The following PAIP1 variants were observed in gnomAD, a reference collection of about 807,000 sequenced individuals.
PAIP1 encodes the protein poly(A) binding protein interacting protein 1, also known as polyadenylate-binding protein-interacting protein 1.
A neutral mutation model predicts 61.3 loss-of-function variants in PAIP1; 16 were observed. That is an observed-to-expected ratio of 0.26 (90% confidence interval 0.18 to 0.40). PAIP1 has a LOEUF of 0.40. Among genes scored for constraint, PAIP1 ranks in the 10% least tolerant of loss-of-function variants. PAIP1 has a pLI of 1.00. For missense variants in PAIP1, 416 were observed against 600.9 expected (o/e 0.69, Z 3.22); for synonymous variants, 187 against 226.2 (o/e 0.83, Z 1.56).
intron 3 of PAIP1, 44 bp from the exon 4 acceptor site, chr5:43,543,160 T>A: frequency 2.3e-6 from 2 of 884,944 alleles, no homozygotes; most frequent in Non-Finnish European, 3.5e-6. Context: ...GGTACATCAT[T>A]ATTAATGTAA....
At chr5:43,531,719 A>C (rs1746949209) in intron 9 of PAIP1, among the ~76,000 whole-genome samples, 1 of 150,498 alleles carries the variant, frequency 6.6e-6, no homozygotes. Context: ...CAAATGATAA[A>C]GCAAGTAACT....
At chr5:43,547,993 T>C in intron 2 of PAIP1, 80 bp from the exon 3 acceptor site, 1 of 836,904 alleles carries the variant, frequency 1.2e-6, no homozygotes, top group Non-Finnish European at 1.8e-6. Flanking sequence ...CTAGCACAAA[T>C]GCTTTTTTAA....
In PAIP1 at chr5:43,527,295, T is replaced by TCA; in HGVS notation, c.*80_*81insTG. 1 of 606,522 alleles carries TCA rather than the reference T, an allele frequency of 1.6e-6. No homozygotes were observed. Among genetic ancestry groups the TCA allele is most frequent in the Non-Finnish European group, 2.4e-6 (1 of 418,680 alleles). 37.6% of individuals were successfully genotyped at this position (606,522 alleles called of 1,614,324 possible). A position where few individuals can be genotyped will look rare whatever the true frequency, so the allele number is the denominator to read the frequency against. On this transcript the variant is annotated 3_prime_UTR_variant, in exon 11 of 11. Coordinates refer to ENST00000306846, the MANE Select transcript of PAIP1 (RefSeq NM_006451.5). ...CAACATCCTTAATTTGGTATAGATG[T>TCA]GACATTTTCTTGCTCTCTTGTGTTC...
chr5:43,528,755 G>C (rs72758669), intron 10 of PAIP1, among the ~76,000 whole-genome samples: 5,183 of 151,820 alleles, frequency 0.034, 110 homozygotes, highest in Middle Eastern at 0.058. Flanking sequence ...AAAAAAATAA[G>C]TTCAAGATAT....
chr5:43,528,015 A>T (rs1746775415), intron 10 of PAIP1, among the ~76,000 whole-genome samples: 1 of 152,162 alleles, frequency 6.6e-6, no homozygotes, highest in Non-Finnish European at 1.5e-5. Context: ...GAGATCATCT[A>T]TTCCAGATTT....
At chr5:43,555,186 T>C (rs1280059866) in intron 2 of PAIP1, among the ~76,000 whole-genome samples, 1 of 152,228 alleles carries the variant, frequency 6.6e-6, no homozygotes, top group Admixed American at 6.5e-5. Context: ...GGATGCTGGT[T>C]AGTTGAGTGT....
intron 3 of PAIP1, among the ~76,000 whole-genome samples, chr5:43,544,146 T>TTAAAA (rs1385340411): frequency 1.4e-5 from 1 of 72,736 alleles, no homozygotes; most frequent in African/African-American, 4.8e-5. Context: ...CCCATCTTTT[T>TTAAAA]AAAAAAAAAA....
At chr5:43,540,701 C>G (rs901272744) in intron 4 of PAIP1, among the ~76,000 whole-genome samples, 1 of 152,178 alleles carries the variant, frequency 6.6e-6, no homozygotes, top group Non-Finnish European at 1.5e-5. Context: ...TGTTAGCTCA[C>G]TAGTATTTCT....
Position 43,547,042 on chromosome 5 carries a change from C to CAAAAAAAAAAAAAAAAAAAAAA in PAIP1, c.621+664_621+685dup, listed in dbSNP as rs766493987. On this transcript the variant is annotated intron_variant, in intron 3 of 10. Transcript: ENST00000306846. The stretch of plus-strand genomic sequence containing the variant: ...TGGGAGACAGGGCAAGACTCCATAT[C>CAAAAAAAAAAAAAAAAAAAAAA]AAAAAAAAAAAAAAAAAAAAAAAAA... 5.6e-5 allele frequency among the ~76,000 whole-genome samples: 2 copies of CAAAAAAAAAAAAAAAAAAAAAA among 35,662 alleles called. 1 individual carries two copies. Among genetic ancestry groups the CAAAAAAAAAAAAAAAAAAAAAA allele is most frequent in the African/African-American group, 2.7e-4 (2 of 7,306 alleles). The allele number at this position is 35,662 out of a possible 152,430, so 23.4% of individuals were successfully genotyped here. A position where few individuals can be genotyped will look rare whatever the true frequency, so the allele number is the denominator to read the frequency against.
intron 3 of PAIP1, among the ~76,000 whole-genome samples, chr5:43,543,788 T>TC (rs1747517840): frequency 1.3e-5 from 2 of 151,908 alleles, no homozygotes. Flanking sequence ...TAATTGCAAT[T>TC]TCTAAAGAAT....
At position 43,539,452 on chromosome 5, in the gene PAIP1, T is replaced by TAC. The variant is rs34509892; in HGVS notation, c.735-419_735-418dup. On this transcript the variant is annotated intron_variant, in intron 4 of 10. Transcript: ENST00000306846. ...TACAACTTTGAAAAGGATCTTTAAA[T>TAC]ACACACACACACACACACACACACA... Among the ~76,000 whole-genome samples, 1,368 of 148,662 alleles carry TAC rather than the reference T, an allele frequency of 9.2e-3. 6 individuals are homozygous for TAC. The highest frequency in any genetic ancestry group is 0.017 in the African/African-American group (666 of 40,142).
intron 2 of PAIP1, among the ~76,000 whole-genome samples, chr5:43,550,050 A>G (rs1747802620): frequency 1.3e-5 from 2 of 151,176 alleles, no homozygotes; most frequent in Admixed American, 6.6e-5. Context: ...CTGAAGTGAT[A>G]CTTAGCAAAA....
intron 2 of PAIP1, among the ~76,000 whole-genome samples, chr5:43,551,275 A>C (rs918260206): frequency 3.3e-5 from 5 of 152,232 alleles, no homozygotes; most frequent in Non-Finnish European, 5.9e-5. Flanking sequence ...CTCAAAATAA[A>C]GGACAAAAGC....
chr5:43,531,295 C>A (rs1579905561), intron 9 of PAIP1, among the ~76,000 whole-genome samples: 1 of 142,866 alleles, frequency 7.0e-6, no homozygotes, highest in African/African-American at 2.6e-5. Flanking sequence ...TTCCTATAAT[C>A]CAAGCCACAG....
intron 8 of PAIP1, 65 bp from the exon 9 acceptor site, chr5:43,533,857 ATGAAGCATGGC>A: frequency 1.0e-6 from 1 of 968,736 alleles, no homozygotes; most frequent in South Asian, 1.3e-5. Flanking sequence ...AAGTACAATA[ATGAAGCATGGC>A]TGATGTCACC....
At position 43,547,878 on chromosome 5, in the gene PAIP1, A is replaced by G. The variant is rs1351990877; in HGVS notation, c.471T>C (p.Thr157=). ...AAAAATCCTGAACATATTCTGATAG[A>G]GTAGGATAATCCTCACAACCATCCT... ...SYEDGCEDYP[T]LSEYVQDFLN... is the part of the protein sequence containing the mutation. The change falls in exon 3 of 11, where the codon ACT becomes ACC. Residue 157 remains threonine, a synonymous_variant. Coordinates refer to ENST00000306846, the MANE Select transcript of PAIP1 (RefSeq NM_006451.5). 3.0e-5 allele frequency: 49 copies of G among 1,612,242 alleles called. No homozygotes were observed. Among genetic ancestry groups the G allele is most frequent in the Non-Finnish European group, 4.2e-5 (49 of 1,178,838 alleles).
intron 10 of PAIP1, among the ~76,000 whole-genome samples, chr5:43,528,968 T>G (rs10071090): frequency 0.018 from 2,721 of 152,210 alleles, 87 homozygotes; most frequent in African/African-American, 0.058. Context: ...AAGAAACAGA[T>G]ATATAAACAG....
chr5:43,552,044 T>C (rs1029398203), intron 2 of PAIP1, among the ~76,000 whole-genome samples: 7 of 152,324 alleles, frequency 4.6e-5, no homozygotes, highest in South Asian at 4.1e-4. Flanking sequence ...TTATTTTTCT[T>C]AGAATTCTAT....
chr5:43,555,996 T>C lies in PAIP1; in HGVS notation c.269A>G (p.Gln90Arg), dbSNP rs749422672. The C allele has an allele frequency of 6.2e-7, 1 of 1,609,428 alleles. No individual in the cohort carries two copies. Among genetic ancestry groups the C allele is most frequent in the East Asian group, 2.2e-5 (1 of 44,854 alleles). ...AGGTGGAGCTCTCAGGGGCCTCGTT[T>C]GCTCTGCAAAAGAAAAAAAAACGGG... ...RPSRPGALPE[Q>R]TRPLRAPPSS... The change falls in exon 2 of 11, where the codon CAA becomes CGA. Residue 90 changes from glutamine to arginine, a missense_variant. Physicochemically the swap from Gln to Arg is conservative, Grantham distance 43. Transcript: ENST00000306846.
Sources: allele counts gnomAD v4.1 joint callset (sites outside exome capture counted in the v4.1 genomes callset), GRCh38; gene constraint gnomAD v4.1.1; transcripts MANE v1.5; gene names NCBI Gene and HGNC (gene_info 2026-07-23, HGNC 2026-07-21).